Variants in TMEM229B observed in about 807,000 individuals in gnomAD.
The protein encoded by TMEM229B is chromosome 14 open reading frame 83.
Under a neutral mutation model 13.7 loss-of-function variants are expected in TMEM229B, and 6 were observed. That is an observed-to-expected ratio of 0.44 (90% confidence interval 0.24 to 0.86). The LOEUF (loss-of-function observed/expected upper bound fraction) is 0.86. Ranked by LOEUF, TMEM229B falls within the 40% of genes least tolerant of loss-of-function variation. TMEM229B has a pLI of 0.23. For synonymous variants in TMEM229B, 107 were observed against 102.1 expected (o/e 1.05, Z -0.29); for missense variants, 170 against 236.0 (o/e 0.72, Z 1.83).
intron 2 of TMEM229B, among the ~76,000 whole-genome samples, chr14:67,484,267 G>A (rs1273267742): frequency 6.6e-6 from 1 of 152,210 alleles, no homozygotes; most frequent in African/African-American, 2.4e-5. Flanking sequence ...AGTGCCTAGA[G>A]TGGTGCCTGG....
At chr14:67,490,291 C>T (rs534511818), upstream of TMEM229B, among the ~76,000 whole-genome samples, 194 of 152,266 alleles carry the variant, frequency 1.3e-3, no homozygotes, top group Non-Finnish European at 1.3e-3. Flanking sequence ...TCTCCCATCT[C>T]CAGGAGCCAT....
Position 67,472,088 on chromosome 14 carries a change from C to T in TMEM229B, c.*1332G>A, listed in dbSNP as rs544303155. On this transcript the variant is annotated 3_prime_UTR_variant, in exon 3 of 3. Coordinates refer to ENST00000554480, the MANE Select transcript of TMEM229B (RefSeq NM_001348543.2). Reference sequence around the variant, plus strand: ...GCCCATGAGTGTGGCAGGGTTAATACTGTTTAAGGAGTGAGCTCAAAGGGT... The same window carrying T: ...GCCCATGAGTGTGGCAGGGTTAATATTGTTTAAGGAGTGAGCTCAAAGGGT... The T allele has an allele frequency of 3.3e-5, 5 of 152,118 alleles. No individual in the cohort carries two copies. Among genetic ancestry groups the T allele is most frequent in the African/African-American group, 9.6e-5 (4 of 41,542 alleles). 9.4% of individuals were successfully genotyped at this position (152,118 alleles called of 1,614,324 possible).
upstream of TMEM229B, among the ~76,000 whole-genome samples, chr14:67,517,817 T>A (rs1313185502): frequency 6.6e-6 from 1 of 152,208 alleles, no homozygotes; most frequent in East Asian, 1.9e-4. Flanking sequence ...TTGTATGGTT[T>A]GGTCAGGGTT....
intron 1 of TMEM229B, among the ~76,000 whole-genome samples, chr14:67,496,392 T>TTTTTTG (rs1491445951): frequency 6.0e-5 from 2 of 33,098 alleles, no homozygotes; most frequent in African/African-American, 1.6e-4. Flanking sequence ...TGCTCCGGCG[T>TTTTTTG]TTTTTTTTTT....
At chr14:67,491,894 C>T (rs73288667), upstream of TMEM229B, among the ~76,000 whole-genome samples, 4 of 152,172 alleles carry the variant, frequency 2.6e-5, no homozygotes, top group South Asian at 4.1e-4. Context: ...GCCCAGGCCG[C>T]GGGGGCCTGC....
upstream of TMEM229B, among the ~76,000 whole-genome samples, chr14:67,518,831 CCAGT>C (rs1335471687): frequency 6.6e-6 from 1 of 152,148 alleles, no homozygotes; most frequent in Non-Finnish European, 1.5e-5. Context: ...GAGGGTGATT[CCAGT>C]GGAGGAACTG....
chr14:67,491,755 G>C (rs1007356615), upstream of TMEM229B, among the ~76,000 whole-genome samples: 27 of 152,168 alleles, frequency 1.8e-4, no homozygotes, highest in African/African-American at 6.0e-4. Flanking sequence ...GAAAAGCCCT[G>C]AGCACAAATG....
intron 2 of TMEM229B, among the ~76,000 whole-genome samples, chr14:67,475,244 A>T (rs1420146454): frequency 6.6e-6 from 1 of 152,176 alleles, no homozygotes; most frequent in South Asian, 2.1e-4. Context: ...AGGCGGAATC[A>T]TATTCCATTG....
intron 1 of TMEM229B, among the ~76,000 whole-genome samples, chr14:67,487,826 T>C (rs2031965918): frequency 6.6e-6 from 1 of 151,576 alleles, no homozygotes; most frequent in Non-Finnish European, 1.5e-5. Flanking sequence ...AGACGGGTCT[T>C]GCTATGTTGA....
intron 1 of TMEM229B, among the ~76,000 whole-genome samples, chr14:67,532,322 C>T (rs2033486272): frequency 6.6e-6 from 1 of 152,202 alleles, no homozygotes; most frequent in Admixed American, 6.5e-5. Context: ...TGCTTCTGTT[C>T]AGTCCTTCAC....
At chr14:67,523,109 G>A (rs1566708523) in intron 1 of TMEM229B, among the ~76,000 whole-genome samples, 1 of 152,164 alleles carries the variant, frequency 6.6e-6, no homozygotes, top group Non-Finnish European at 1.5e-5. Flanking sequence ...TGGATCACGA[G>A]GTCAGGAGTT....
chr14:67,527,666 G>A (rs17104402), intron 1 of TMEM229B, among the ~76,000 whole-genome samples: 58,915 of 152,048 alleles, frequency 0.39, 12,188 homozygotes, highest in African/African-American at 0.54. Context: ...GTTTTGTACC[G>A]CAGCAGCCCC....
intron 2 of TMEM229B, among the ~76,000 whole-genome samples, chr14:67,482,256 G>A (rs950979609): frequency 2.6e-5 from 4 of 152,166 alleles, no homozygotes; most frequent in African/African-American, 9.7e-5. Flanking sequence ...GGGTGGCAGG[G>A]GACATGGCCA....
At chr14:67,522,202 A>G (rs1035838016) in intron 1 of TMEM229B, among the ~76,000 whole-genome samples, 2 of 152,094 alleles carry the variant, frequency 1.3e-5, no homozygotes, top group African/African-American at 2.4e-5. Flanking sequence ...AAAAAAGGAA[A>G]GAAAGTTGGG....
chr14:67,533,470 C>G (rs946709415), intron 1 of TMEM229B: 6 of 151,900 alleles, frequency 3.9e-5, no homozygotes, highest in African/African-American at 1.5e-4. Flanking sequence ...AGGCTGCGCG[C>G]GGGGGACGGC....
chr14:67,522,764 G>A (rs560808189), intron 1 of TMEM229B, among the ~76,000 whole-genome samples: 2 of 152,270 alleles, frequency 1.3e-5, no homozygotes, highest in South Asian at 2.1e-4. Flanking sequence ...AGCCTGGAGC[G>A]GGTGGTGAGG....
chr14:67,511,227 C>T (rs774730101), intron 1 of TMEM229B, among the ~76,000 whole-genome samples: 1 of 152,102 alleles, frequency 6.6e-6, no homozygotes, highest in Non-Finnish European at 1.5e-5. Context: ...AGTGGATAAT[C>T]CAGTATGTTC....
intron 1 of TMEM229B, among the ~76,000 whole-genome samples, chr14:67,498,832 AT>A (rs1487846058): frequency 6.6e-6 from 1 of 151,388 alleles, no homozygotes; most frequent in Non-Finnish European, 1.5e-5. Context: ...TGCCTGATTA[AT>A]TTTTTTTGTA....
Position 67,473,720 on chromosome 14 carries a change from G to C in TMEM229B, c.204C>G (p.Arg68=). ...AGCGCAGGAGCAGCGGGCAGCGGCC[G>C]CGCAGCCGCAGGTACATGCGCTCCA... ...LIVERMYLRL[R]GRCPLLLRCL... Residue 68 remains arginine, a synonymous_variant, in exon 3 of 3, where the codon CGC becomes CGG. Transcript: ENST00000554480. The surrounding 1 kb of genome is among the most constrained non-coding windows in gnomAD (Gnocchi z 6.5). The C allele has an allele frequency of 9.3e-6, 15 of 1,606,442 alleles. No homozygotes were observed. Among genetic ancestry groups the C allele is most frequent in the Non-Finnish European group, 1.3e-5 (15 of 1,176,688 alleles).
Sources: gnomAD v4.1 joint callset for allele counts (sites outside exome capture counted in the v4.1 genomes callset) on GRCh38, gnomAD v4.1.1 for gene constraint, Gnocchi (gnomAD v3.1) non-coding constraint, MANE v1.5 for transcripts, NCBI Gene and HGNC (gene_info 2026-07-23, HGNC 2026-07-21) for gene names.